The following ARHGAP9 variants were observed in gnomAD, a reference collection of about 807,000 sequenced individuals.
The protein encoded by ARHGAP9 is Rho GTPase activating protein 9, also known as rho GTPase-activating protein 9.
Under a neutral mutation model 87.3 loss-of-function variants are expected in ARHGAP9, and 76 were observed. The observed-to-expected ratio is 0.87, with a 90% CI of 0.72 to 1.05. The LOEUF is 1.05. Ranked by LOEUF, ARHGAP9 falls within the 50% of genes least tolerant of loss-of-function variation. The pLI, the probability that ARHGAP9 is intolerant of heterozygous loss-of-function variation, is 0.00. For synonymous variants in ARHGAP9, 382 were observed against 394.9 expected (o/e 0.97, Z 0.39); for missense variants, 941 against 960.5 (o/e 0.98, Z 0.27).
chr12:57,478,919 G>C (rs2139955979), intron 2 of ARHGAP9, among the ~76,000 whole-genome samples, 162 bp from the exon 3 acceptor site: 1 of 152,258 alleles, frequency 6.6e-6, no homozygotes, highest in East Asian at 1.9e-4. Context: ...ACAGGCAGTG[G>C]GATGAGGATG....
At chr12:57,475,775 C>A (rs1277764807) in intron 10 of ARHGAP9, 58 bp downstream of exon 10, 2 of 1,592,992 alleles carry the variant, frequency 1.3e-6, no homozygotes, top group African/African-American at 2.7e-5. Context: ...ATCGTTCCTA[C>A]CCCACTCCCT....
At chr12:57,487,850 C>CAAA (rs10715375) in intron 1 of ARHGAP9, 783 of 179,538 alleles carry the variant, frequency 4.4e-3, no homozygotes, top group South Asian at 6.5e-3. Context: ...CGCCCTCTCA[C>CAAA]AAAAAAAAAA....
rs921302560 is a variant in ARHGAP9, at chr12:57,475,150, A to C, written c.1552+141T>G. 13 of 1,107,810 alleles carry C rather than the reference A, an allele frequency of 1.2e-5. No homozygotes were observed. In the Admixed American group the frequency reaches 3.1e-4, roughly 27 times the overall value. 68.6% of individuals were successfully genotyped at this position (1,107,810 alleles called of 1,614,324 possible). ...TTCAAACAATCTGGCAAAGGGGTAC[A>C]GGTCACCCCAGCTTCTCCCCTAAAC... is the stretch of plus-strand genomic sequence containing the variant. On this transcript the variant is annotated intron_variant, in intron 12 of 17. Transcript: ENST00000393791.
intron 1 of ARHGAP9, among the ~76,000 whole-genome samples, chr12:57,486,225 C>T (rs576926794): frequency 4.6e-5 from 7 of 152,152 alleles, no homozygotes; most frequent in South Asian, 4.2e-4. Flanking sequence ...TATGTGCTTC[C>T]TTGCATAATA....
intron 4 of ARHGAP9, 81 bp from the exon 5 acceptor site, chr12:57,477,350 A>G: frequency 1.3e-6 from 2 of 1,517,018 alleles, no homozygotes; most frequent in African/African-American, 2.8e-5. Context: ...TACTTGGCTG[A>G]TTCTTCTGAT....
chr12:57,475,134 T>C (rs936303034), intron 12 of ARHGAP9, 157 bp downstream of exon 12: 58 of 1,111,700 alleles, frequency 5.2e-5, no homozygotes, highest in Non-Finnish European at 6.7e-5. Context: ...CTTCAAACAA[T>C]CTGGCAAAGG....
rs770889942 is a variant in ARHGAP9, at chr12:57,479,374, C to T, written c.33G>A (p.Trp11Ter). ...TTCGGGGGCCCAGCCCTAGGATCCC[C>T]CAGGAACTTGGCCACCACCGGCTGG... The part of the protein sequence containing the change: MLSSRWWPSS[W>*]GILGLGPRSP... The change falls in exon 2 of 18, where the codon TGG (tryptophan) becomes TGA (stop). Residue 11 changes from tryptophan to a stop codon, truncating the protein, a stop_gained. Coordinates refer to ENST00000393791, the MANE Select transcript of ARHGAP9 (RefSeq NM_032496.4). LOFTEE classifies it high-confidence loss of function. 6.2e-7 allele frequency: 1 copy of T among 1,613,608 alleles called. No individual in the cohort carries two copies. Among genetic ancestry groups the T allele is most frequent in the South Asian group, 1.1e-5 (1 of 91,072 alleles).
At position 57,478,772 on chromosome 12, in the gene ARHGAP9, G is replaced by A. The variant is rs113845144; in HGVS notation, c.317-15C>T. The A allele has an allele frequency of 1.3e-3, 2,057 of 1,596,910 alleles. 2 individuals carry two copies. The highest frequency in any genetic ancestry group is 2.1e-3 in the Admixed American group (123 of 57,988). ...CAACTTCGGCCCTGGAAACAGAAAA[G>A]GGGAGGGTGGGTGGCAGGTGATCAG... On this transcript the variant is annotated splice_polypyrimidine_tract_variant and intron_variant, in intron 2 of 17. Coordinates refer to ENST00000393791, the MANE Select transcript of ARHGAP9 (RefSeq NM_032496.4).
rs1873569934 is a variant in ARHGAP9 at position 57,476,141 on chromosome 12, C to CA, written c.1141_1142insT (p.Ser381MetfsTer2). The stretch of plus-strand genomic sequence containing the variant: ...GGCCGCCCCGCGCAGGTCCACGCTA[C>CA]TTTCGGGCCGGCTACCCGCTGGTCC... On this transcript the variant is annotated frameshift_variant, in exon 9 of 18. Transcript: ENST00000393791. LOFTEE classifies it high-confidence loss of function. 6.5e-7 allele frequency: 1 copy of CA among 1,543,272 alleles called. No individual in the cohort carries two copies.
chr12:57,477,817 TG>T, intron 3 of ARHGAP9, 137 bp from the exon 4 acceptor site: 2 of 1,509,466 alleles, frequency 1.3e-6, no homozygotes, highest in Non-Finnish European at 1.8e-6. Flanking sequence ...CCCAGGGTAC[TG>T]GGGGAGAAAC....
upstream of ARHGAP9, among the ~76,000 whole-genome samples, chr12:57,481,901 GT>G (rs375850042): frequency 7.9e-4 from 120 of 152,192 alleles, 3 homozygotes; most frequent in South Asian, 0.024. Flanking sequence ...CCCTCCCTGG[GT>G]GGTCTTATTC....
upstream of ARHGAP9, among the ~76,000 whole-genome samples, chr12:57,483,115 A>G (rs929521013): frequency 6.6e-6 from 1 of 152,036 alleles, no homozygotes; most frequent in Admixed American, 6.6e-5. Context: ...AAACAAAAAA[A>G]TATGATCCCT....
chr12:57,478,277 C>T (rs1049402157), intron 3 of ARHGAP9: 15 of 472,926 alleles, frequency 3.2e-5, no homozygotes, highest in African/African-American at 2.7e-4. Context: ...TCCCTTCTCA[C>T]CTCCTACCCA....
rs372000118 is a variant in ARHGAP9 at position 57,477,164 on chromosome 12, C to T, written c.862G>A (p.Asp288Asn). Residue 288 changes from aspartate (D) to asparagine (N), a missense_variant, in exon 5 of 18, where the codon GAC becomes AAC. By Grantham distance (23) the Asp-to-Asn change is conservative. Transcript: ENST00000393791. ...GATGGGAGGGATCTCACCTGTGGGT[C>T]AAGCGGTTCTGGGGTCCCTGTGTCA... ...RSDTGTPEPL[D>N]PQGSLSLSQR... 8 of 1,613,358 alleles carry T rather than the reference C, an allele frequency of 5.0e-6. No homozygotes were observed. Among genetic ancestry groups the T allele is most frequent in the Middle Eastern group, 1.6e-4 (1 of 6,076 alleles).
intron 1 of ARHGAP9, chr12:57,487,749 T>G (rs1262297824): frequency 4.0e-6 from 1 of 252,824 alleles, no homozygotes; most frequent in Non-Finnish European, 7.6e-6. Context: ...CATGGGAGGC[T>G]GAGGCCGGAG....
chr12:57,488,646 C>T (rs1170875888), exon 1 of ARHGAP9: 4 of 1,550,778 alleles, frequency 2.6e-6, no homozygotes, highest in Non-Finnish European at 3.5e-6. Context: ...TTGGGTGACT[C>T]TTAGGAGGTT....
Position 57,472,581 on chromosome 12 carries a change from T to G in ARHGAP9, c.2132A>C (p.His711Pro). The G allele has an allele frequency of 6.2e-7, 1 of 1,614,214 alleles. No individual in the cohort carries two copies. Among genetic ancestry groups the G allele is most frequent in the Non-Finnish European group, 8.5e-7 (1 of 1,180,026 alleles). The change falls in exon 18 of 18, where the codon CAT (histidine) becomes CCT (proline). Residue 711 changes from histidine (H) to proline (P), a missense_variant. Transcript: ENST00000393791. ...GACCAGCTGCCCTGGGTAGAGAGCA[T>G]GGGCTGCTGGGTCAGATGTCTCCTG... is the stretch of plus-strand genomic sequence containing the variant. ...PEQETSDPAA[H>P]ALYPGQLVQL... is the part of the protein sequence containing the mutation.
At chr12:57,476,311 G>C in intron 8 of ARHGAP9, 53 bp downstream of exon 8, 1 of 1,591,040 alleles carries the variant, frequency 6.3e-7, no homozygotes, top group East Asian at 2.3e-5. Context: ...CCACATTGGC[G>C]TGAGGCGGTA....
In ARHGAP9 at chr12:57,477,155, C is replaced by T; in HGVS notation, c.870+1G>A. 1 of 1,613,504 alleles carries T rather than the reference C, an allele frequency of 6.2e-7. No homozygotes were observed. Among genetic ancestry groups the T allele is most frequent in the Non-Finnish European group, 8.5e-7 (1 of 1,179,646 alleles). On this transcript the variant is annotated splice_donor_variant, in intron 5 of 17. Coordinates refer to ENST00000393791, the MANE Select transcript of ARHGAP9 (RefSeq NM_032496.4). LOFTEE classifies it high-confidence loss of function. ...TGACTGGGAGATGGGAGGGATCTCA[C>T]CTGTGGGTCAAGCGGTTCTGGGGTC...
Sources: gnomAD v4.1 joint callset for allele counts (sites outside exome capture counted in the v4.1 genomes callset) on GRCh38, gnomAD v4.1.1 for gene constraint, MANE v1.5 for transcripts, NCBI Gene and HGNC (gene_info 2026-07-23, HGNC 2026-07-21) for gene names.